The following SWI5 variants were observed in gnomAD, a reference collection of about 807,000 sequenced individuals.
SWI5 encodes DNA repair protein SWI5 homolog.
A neutral mutation model predicts 17.0 loss-of-function variants in SWI5; 12 were observed. The ratio of observed to expected loss-of-function variants is 0.71; its 90% CI spans 0.45 to 1.14. The LOEUF is 1.14. Among genes scored for constraint, SWI5 ranks in the 50% most tolerant of loss-of-function variants. The pLI is 0.00. For missense variants in SWI5, 158 were observed against 162.2 expected (o/e 0.97, Z 0.14); for synonymous variants, 61 against 64.0 (o/e 0.95, Z 0.22).
At chr9:128,286,976 T>C (rs1469074529) in intron 4 of SWI5, among the ~76,000 whole-genome samples, 1 of 151,834 alleles carries the variant, frequency 6.6e-6, no homozygotes, top group Admixed American at 6.6e-5. Flanking sequence ...AGAAACTGTC[T>C]CTACTAAAAA....
intron 2 of SWI5, among the ~76,000 whole-genome samples, chr9:128,282,062 G>A (rs1399788202): frequency 2.0e-5 from 3 of 152,004 alleles, no homozygotes; most frequent in Non-Finnish European, 4.4e-5. Context: ...ATGGATGACA[G>A]AGCGAGACAG....
intron 2 of SWI5, among the ~76,000 whole-genome samples, chr9:128,277,665 C>CA (rs1015724386): frequency 7.9e-5 from 12 of 152,240 alleles, no homozygotes; most frequent in African/African-American, 2.9e-4. Context: ...GAGCCACAGG[C>CA]AAAAAAATAA....
At chr9:128,279,353 C>G (rs978703865) in intron 2 of SWI5, among the ~76,000 whole-genome samples, 1 of 152,100 alleles carries the variant, frequency 6.6e-6, no homozygotes, top group Admixed American at 6.6e-5. Context: ...ACCACCAAGA[C>G]GTGGAGACCG....
chr9:128,276,377 G>C, exon 1 of SWI5: 1 of 1,613,180 alleles, frequency 6.2e-7, no homozygotes, highest in Non-Finnish European at 8.5e-7. Flanking sequence ...CCTGATCCGG[G>C]GGCCTCGGAC....
chr9:128,278,729 G>A (rs1831481926), intron 2 of SWI5: 1 of 456,848 alleles, frequency 2.2e-6, no homozygotes, highest in Middle Eastern at 3.3e-4. Context: ...GGACGTGGCA[G>A]AGCTGGGGGC....
In SWI5 at chr9:128,284,646, G is replaced by C; in HGVS notation, c.233+15G>C. Reference sequence around the variant, plus strand: ...TTCGTATCTGAGTAAGTTTCATTGGGTTCCCCATCATGGTTAAGATAACTT... The same window carrying C: ...TTCGTATCTGAGTAAGTTTCATTGGCTTCCCCATCATGGTTAAGATAACTT... On this transcript the variant is annotated intron_variant, in intron 3 of 4. Transcript: ENST00000418976. 6.2e-7 allele frequency: 1 copy of C among 1,611,900 alleles called. No homozygotes were observed. Among genetic ancestry groups the C allele is most frequent in the Non-Finnish European group, 8.5e-7 (1 of 1,178,748 alleles).
intron 2 of SWI5, among the ~76,000 whole-genome samples, chr9:128,282,368 C>G (rs1831554237): frequency 6.6e-6 from 1 of 151,290 alleles, no homozygotes; most frequent in East Asian, 1.9e-4. Context: ...GCCTGGGCGA[C>G]AACGCGAGAA....
intron 2 of SWI5, among the ~76,000 whole-genome samples, chr9:128,278,477 G>T (rs770751656): frequency 5.9e-5 from 9 of 151,462 alleles, no homozygotes; most frequent in Non-Finnish European, 1.3e-4. Flanking sequence ...TGAGGCAGGA[G>T]AATCGCTTGA....
chr9:128,276,428 T>C (rs1748078710), intron 1 of SWI5, 26 bp downstream of exon 1: 1 of 1,608,788 alleles, frequency 6.2e-7, no homozygotes, highest in South Asian at 1.1e-5. Context: ...ACTCCACAGT[T>C]TCTTTCCTGA....
intron 2 of SWI5, among the ~76,000 whole-genome samples, chr9:128,277,769 G>T (rs1238991933): frequency 6.6e-6 from 1 of 152,164 alleles, no homozygotes. Flanking sequence ...CAGAGGCAGG[G>T]CCTGAAGGGC....
exon 1 of SWI5, chr9:128,276,387 C>T (rs1276871792): frequency 1.2e-6 from 2 of 1,612,984 alleles, no homozygotes; most frequent in East Asian, 2.2e-5. Flanking sequence ...GGGCCTCGGA[C>T]CCCAGGGCTC....
At chr9:128,287,436 G>C (rs1373447816) in intron 4 of SWI5, among the ~76,000 whole-genome samples, 1 of 146,464 alleles carries the variant, frequency 6.8e-6, no homozygotes, top group Non-Finnish European at 1.5e-5. Context: ...CTGGGCGACA[G>C]AGCCAGACTC....
At chr9:128,288,276 C>T (rs976156990) in intron 4 of SWI5, among the ~76,000 whole-genome samples, 6 of 152,158 alleles carry the variant, frequency 3.9e-5, no homozygotes, top group Non-Finnish European at 8.8e-5. Flanking sequence ...GTTCAGCAGG[C>T]ACAGCATACA....
At chr9:128,278,727 C>T in intron 2 of SWI5, 1 of 463,902 alleles carries the variant, frequency 2.2e-6, no homozygotes, top group Non-Finnish European at 4.4e-6. Context: ...CAGGACGTGG[C>T]AGAGCTGGGG....
rs760301673 is a variant in SWI5 at position 128,276,315 on chromosome 9, T to G, written c.-26T>G. 3.1e-6 allele frequency: 5 copies of G among 1,613,076 alleles called. No homozygotes were observed. The Admixed American group carries it at 8.3e-5, about 27-fold the overall frequency. ...GTCAGAGTTCCTGGCCCGGTGCACCTGAGAGGTCGCTCTCCGACTCCCGCG... is the reference window on the plus strand; with the variant it reads ...GTCAGAGTTCCTGGCCCGGTGCACCGGAGAGGTCGCTCTCCGACTCCCGCG... On this transcript the variant is annotated 5_prime_UTR_variant, in exon 1 of 5. Coordinates refer to ENST00000418976, the Ensembl canonical transcript of SWI5.
At chr9:128,284,713 T>C (rs1160519382) in intron 3 of SWI5, 82 bp downstream of exon 3, 3 of 1,512,748 alleles carry the variant, frequency 2.0e-6, no homozygotes, top group Non-Finnish European at 2.7e-6. Flanking sequence ...CCCAGCACTT[T>C]GGGAGGCTGA....
intron 2 of SWI5, among the ~76,000 whole-genome samples, chr9:128,281,028 CTTTTTTTTTT>C (rs11306272): frequency 4.6e-5 from 2 of 43,774 alleles, no homozygotes; most frequent in African/African-American, 7.3e-5. Context: ...TTCAACCATG[CTTTTTTTTTT>C]TTTTTTTTTT....
At chr9:128,287,473 A>G (rs1227369948) in intron 4 of SWI5, among the ~76,000 whole-genome samples, 1 of 151,300 alleles carries the variant, frequency 6.6e-6, no homozygotes, top group African/African-American at 2.4e-5. Flanking sequence ...AAAAGAAAGA[A>G]AAAGAACACA....
At chr9:128,276,385 G>C (rs1831376746) in exon 1 of SWI5, 2 of 1,613,016 alleles carry the variant, frequency 1.2e-6, no homozygotes, top group African/African-American at 2.7e-5. Context: ...GGGGGCCTCG[G>C]ACCCCAGGGC....
Sources: gnomAD v4.1 joint callset for allele counts (sites outside exome capture counted in the v4.1 genomes callset) on GRCh38, gnomAD v4.1.1 for gene constraint, MANE v1.5 for transcripts, NCBI Gene and HGNC (gene_info 2026-07-23, HGNC 2026-07-21) for gene names.